PLB1: variants seen among roughly 807,000 people sequenced by gnomAD.
PLB1 encodes phospholipase B1, also known as phospholipase B1, membrane-associated.
A neutral mutation model predicts 227.4 loss-of-function variants in PLB1; 242 were observed. The ratio of observed to expected loss-of-function variants is 1.06; its 90% CI spans 0.96 to 1.18. The LOEUF (loss-of-function observed/expected upper bound fraction) is 1.18. Among genes scored for constraint, PLB1 ranks in the 50% most tolerant of loss-of-function variants. The pLI is 0.00. For synonymous variants in PLB1, 757 were observed against 682.2 expected (o/e 1.11, Z -1.71); for missense variants, 1,858 against 1,816.3 (o/e 1.02, Z -0.42).
intron 44 of PLB1, among the ~76,000 whole-genome samples, chr2:28,615,354 G>A (rs887172207): frequency 1.3e-5 from 2 of 152,174 alleles, no homozygotes; most frequent in African/African-American, 4.8e-5. Flanking sequence ...AGGCATTGGC[G>A]GTCTCAGGAG....
intron 15 of PLB1, 29 bp from the exon 16 acceptor site, chr2:28,549,981 C>T (rs765816092): frequency 2.1e-5 from 34 of 1,588,650 alleles, no homozygotes; most frequent in East Asian, 6.7e-5. Context: ...TCTAGGGTCA[C>T]GATTCCAACA....
At chr2:28,517,009 T>C (rs1354443575) in intron 2 of PLB1, 140 bp downstream of exon 2, 2 of 790,816 alleles carry the variant, frequency 2.5e-6, no homozygotes, top group Non-Finnish European at 4.2e-6. Flanking sequence ...GATGAACCGC[T>C]TCCCCCATGG....
At chr2:28,587,175 G>T (rs1308795945) in intron 26 of PLB1, among the ~76,000 whole-genome samples, 1 of 152,196 alleles carries the variant, frequency 6.6e-6, no homozygotes, top group Non-Finnish European at 1.5e-5. Context: ...GGGTTACTGG[G>T]TGCACGCAAC....
At chr2:28,579,576 T>G in intron 22 of PLB1, 51 bp from the exon 23 acceptor site, 1 of 1,472,192 alleles carries the variant, frequency 6.8e-7, no homozygotes, top group East Asian at 2.3e-5. Context: ...GTGTTTTCCT[T>G]GACTTGACTC....
intron 10 of PLB1, 58 bp from the exon 11 acceptor site, chr2:28,539,041 G>A: frequency 1.4e-6 from 2 of 1,419,168 alleles, no homozygotes; most frequent in Non-Finnish European, 2.0e-6. Context: ...GTTCCAGAAA[G>A]CCCGGCAGCC....
At chr2:28,637,164 G>A (rs114492218) in intron 56 of PLB1, among the ~76,000 whole-genome samples, 1,846 of 152,112 alleles carry the variant, frequency 0.012, 17 homozygotes, top group South Asian at 0.042. Context: ...GTGGTGGCAC[G>A]TGCCTATAAT....
At chr2:28,633,309 T>TGTAATCAGATAG in intron 56 of PLB1, 1 of 436,316 alleles carries the variant, frequency 2.3e-6, no homozygotes, top group Non-Finnish European at 4.1e-6. Flanking sequence ...GGGATCCCTT[T>TGTAATCAGATAG]GTAATCAGAT....
At position 28,620,605 on chromosome 2, in the gene PLB1, G is replaced by C. The variant is rs758175714; in HGVS notation, c.3389G>C (p.Gly1130Ala). The change falls in exon 48 of 58, where the codon GGA becomes GCA. Residue 1130 changes from glycine to alanine, a missense_variant. Transcript: ENST00000327757. ...TSWRGLSWSI[G>A]GDGNLETHTT... ...ATATGCTTTCTCCTCCCCAGCATTG[G>C]AGGGGATGGGAACTTGGAGACTCAC... is the stretch of plus-strand genomic sequence containing the variant. 6.2e-7 allele frequency: 1 copy of C among 1,613,708 alleles called. No individual in the cohort carries two copies. The highest frequency in any genetic ancestry group is 8.5e-7 in the Non-Finnish European group (1 of 1,179,864).
chr2:28,568,148 CT>C (rs1271292939), intron 20 of PLB1, among the ~76,000 whole-genome samples: 2 of 152,298 alleles, frequency 1.3e-5, no homozygotes, highest in East Asian at 3.9e-4. Flanking sequence ...CAAGCACTCC[CT>C]GCCTTCTTTA....
At chr2:28,540,640 T>A (rs1216534559) in intron 12 of PLB1, among the ~76,000 whole-genome samples, 199 bp downstream of exon 12, 1 of 151,964 alleles carries the variant, frequency 6.6e-6, no homozygotes, top group Admixed American at 6.6e-5. Flanking sequence ...GCATATAAAA[T>A]GGGGCCTGCA....
intron 11 of PLB1, 122 bp from the exon 12 acceptor site, chr2:28,540,244 C>A: frequency 1.3e-6 from 1 of 757,500 alleles, no homozygotes. Flanking sequence ...ACTTATGCTT[C>A]TTCATCCCTA....
At chr2:28,539,015 C>A in intron 10 of PLB1, 84 bp from the exon 11 acceptor site, 1 of 1,099,672 alleles carries the variant, frequency 9.1e-7, no homozygotes, top group Non-Finnish European at 1.4e-6. Flanking sequence ...CACACCCCAA[C>A]GGGGCCCAAG....
rs116661325 is a variant in PLB1 at position 28,565,044 on chromosome 2, A to G, written c.1207-236A>G. ...AGTTTTACTTGGTCTTGGCCTAGGCAGGGTTTCTTAGAATGAAGCAGAGCT... is the reference window on the plus strand; with the variant it reads ...AGTTTTACTTGGTCTTGGCCTAGGCGGGGTTTCTTAGAATGAAGCAGAGCT... On this transcript the variant is annotated intron_variant, in intron 18 of 57. Coordinates refer to ENST00000327757, the MANE Select transcript of PLB1 (RefSeq NM_153021.5). Among the ~76,000 whole-genome samples, 1,017 of 152,314 alleles carry G rather than the reference A, an allele frequency of 6.7e-3. 11 individuals carry two copies. The highest frequency in any genetic ancestry group is 0.024 in the African/African-American group (980 of 41,564).
At chr2:28,536,408 C>A (rs1671683015) in intron 9 of PLB1, among the ~76,000 whole-genome samples, 1 of 150,814 alleles carries the variant, frequency 6.6e-6, no homozygotes. Flanking sequence ...TTTTAAAAAT[C>A]AGAAGAAAAA....
intron 56 of PLB1, among the ~76,000 whole-genome samples, chr2:28,639,975 T>G (rs995648375): frequency 5.3e-5 from 8 of 152,172 alleles, no homozygotes; most frequent in Non-Finnish European, 1.2e-4. Flanking sequence ...CCCATCGTGC[T>G]CAGTCTAGTC....
At chr2:28,568,835 G>C (rs895201620) in intron 20 of PLB1, among the ~76,000 whole-genome samples, 1 of 152,190 alleles carries the variant, frequency 6.6e-6, no homozygotes, top group Admixed American at 6.5e-5. Flanking sequence ...AGAGAGAACT[G>C]CCTGCACCAG....
At chr2:28,566,972 G>T in intron 20 of PLB1, 133 bp downstream of exon 20, 1 of 980,062 alleles carries the variant, frequency 1.0e-6, no homozygotes, top group Non-Finnish European at 1.5e-6. Context: ...AGGGGGCGCT[G>T]CCTCCCGAGA....
chr2:28,581,493 ATAAAT>A lies in PLB1; in HGVS notation c.1567-574_1567-570del, dbSNP rs1558821501. Reference sequence around the variant, plus strand: ...TCCAGAGCTCCACGCAAAAAAATAAATAAATAAATAAATAAATAAATAAATAAATA... The same window carrying A: ...TCCAGAGCTCCACGCAAAAAAATAAAAAATAAATAAATAAATAAATAAATA... On this transcript the variant is annotated intron_variant, in intron 23 of 57. Transcript: ENST00000327757. 1.7e-3 allele frequency among the ~76,000 whole-genome samples: 110 copies of A among 66,602 alleles called. 3 individuals carry two copies. The South Asian group carries it at 0.02, about 12-fold the overall frequency. The allele number at this position is 66,602 out of a possible 152,430, so 43.7% of individuals were successfully genotyped here.
chr2:28,562,575 G>C (rs1408139918), intron 17 of PLB1, among the ~76,000 whole-genome samples: 1 of 110,776 alleles, frequency 9.0e-6, no homozygotes, highest in Non-Finnish European at 1.9e-5. Flanking sequence ...TGGCATAAAA[G>C]TATTCCTTTT....
Sources: allele counts gnomAD v4.1 joint callset (sites outside exome capture counted in the v4.1 genomes callset), GRCh38; gene constraint gnomAD v4.1.1; transcripts MANE v1.5; gene names NCBI Gene and HGNC (gene_info 2026-07-23, HGNC 2026-07-21).